ST8SIA6: variants seen among roughly 807,000 people sequenced by gnomAD.
ST8SIA6 encodes alpha-2,8-sialyltransferase 8F.
In ST8SIA6, 39 loss-of-function variants were observed where a neutral mutation model predicts 33.6. The observed-to-expected ratio is 1.16, with a 90% confidence interval of 0.90 to 1.52. The LOEUF is 1.52. Ranked by LOEUF, ST8SIA6 falls within the 40% of genes most tolerant of loss-of-function variation. The probability of loss-of-function intolerance (pLI) is 0.00; values close to 1 mark genes in which losing one functional copy is unlikely to be tolerated. For missense variants in ST8SIA6, 441 were observed against 443.8 expected (o/e 0.99, Z 0.06); for synonymous variants, 172 against 167.2 (o/e 1.03, Z -0.22).
chr10:17,359,460 A>G (rs1588837043), intron 4 of ST8SIA6, 54 bp downstream of exon 4: 8 of 1,398,072 alleles, frequency 5.7e-6, no homozygotes, highest in Non-Finnish European at 6.0e-6. Context: ...TTTTTCTACA[A>G]AGCAAATGAA....
chr10:17,442,832 G>A (rs1852550581), intron 2 of ST8SIA6, among the ~76,000 whole-genome samples: 1 of 152,078 alleles, frequency 6.6e-6, no homozygotes, highest in African/African-American at 2.4e-5. Context: ...AGGCTATTTT[G>A]TCACGTAAAT....
At chr10:17,357,434 C>A (rs769037065) in intron 4 of ST8SIA6, among the ~76,000 whole-genome samples, 1 of 151,720 alleles carries the variant, frequency 6.6e-6, no homozygotes, top group Non-Finnish European at 1.5e-5. Flanking sequence ...TACGCCCAGC[C>A]CCTTCAGTTC....
intron 4 of ST8SIA6, among the ~76,000 whole-genome samples, chr10:17,354,178 G>A (rs1849120925): frequency 6.6e-6 from 1 of 152,152 alleles, no homozygotes; most frequent in East Asian, 1.9e-4. Flanking sequence ...GCCTTCATGG[G>A]TGAAGCAGAA....
At chr10:17,387,114 G>C (rs1313870070) in intron 3 of ST8SIA6, 3 of 152,350 alleles carry the variant, frequency 2.0e-5, no homozygotes, top group Non-Finnish European at 2.9e-5. Flanking sequence ...GGAAAAGTCA[G>C]GCAGAGATGA....
intron 2 of ST8SIA6, among the ~76,000 whole-genome samples, chr10:17,432,051 T>TG (rs140816925): frequency 0.093 from 14,185 of 152,152 alleles, 812 homozygotes; most frequent in South Asian, 0.19. Context: ...GGTGGGTATC[T>TG]GGGGGATGCT....
chr10:17,335,842 A>G (rs774565783), intron 4 of ST8SIA6, among the ~76,000 whole-genome samples: 2 of 152,196 alleles, frequency 1.3e-5, no homozygotes, highest in South Asian at 4.1e-4. Flanking sequence ...ATTCTCATTT[A>G]CCTTTGGCAA....
At chr10:17,438,317 C>T (rs558849165) in intron 2 of ST8SIA6, among the ~76,000 whole-genome samples, 21 of 152,082 alleles carry the variant, frequency 1.4e-4, no homozygotes, top group African/African-American at 1.9e-4. Context: ...TTTGTGTATT[C>T]GGCATTAAAC....
chr10:17,330,038 C>G (rs943845577), intron 5 of ST8SIA6, among the ~76,000 whole-genome samples: 1 of 151,984 alleles, frequency 6.6e-6, no homozygotes, highest in Non-Finnish European at 1.5e-5. Context: ...ACATTTCCAC[C>G]ACGAGCCCCG....
At chr10:17,362,530 G>C (rs946132943) in intron 3 of ST8SIA6, among the ~76,000 whole-genome samples, 1 of 152,062 alleles carries the variant, frequency 6.6e-6, no homozygotes, top group Admixed American at 6.6e-5. Context: ...TACTTCCTAT[G>C]AGCGCTCAGA....
chr10:17,410,648 G>C (rs1477189336), intron 2 of ST8SIA6: 1 of 152,100 alleles, frequency 6.6e-6, no homozygotes, highest in Non-Finnish European at 1.5e-5. Flanking sequence ...AGACAACTAA[G>C]CATGAGGTAT....
chr10:17,333,805 T>A (rs1301556328), intron 4 of ST8SIA6, among the ~76,000 whole-genome samples: 2 of 139,112 alleles, frequency 1.4e-5, no homozygotes, highest in Non-Finnish European at 3.0e-5. Flanking sequence ...CACTGCAAAT[T>A]CCACTTCCCG....
chr10:17,380,993 GT>G (rs767228705), intron 3 of ST8SIA6, among the ~76,000 whole-genome samples: 1 of 149,208 alleles, frequency 6.7e-6, no homozygotes, highest in African/African-American at 2.5e-5. Context: ...GGTTTTTTTT[GT>G]TTTTCTCTCC....
At chr10:17,407,882 G>T (rs1178170105) in intron 2 of ST8SIA6, 4 of 152,440 alleles carry the variant, frequency 2.6e-5, no homozygotes, top group Non-Finnish European at 5.9e-5. Context: ...GGGTTTGTGG[G>T]AAAAGCAGTG....
At chr10:17,361,276 G>GA (rs2131619855) in intron 3 of ST8SIA6, among the ~76,000 whole-genome samples, 2 of 151,996 alleles carry the variant, frequency 1.3e-5, no homozygotes, top group Admixed American at 1.3e-4. Flanking sequence ...ACACTGATTA[G>GA]AAAAAAGTCA....
At chr10:17,408,940 CTTT>C (rs112533742) in intron 2 of ST8SIA6, among the ~76,000 whole-genome samples, 1 of 138,362 alleles carries the variant, frequency 7.2e-6, no homozygotes, top group Non-Finnish European at 1.6e-5. Flanking sequence ...TTCTTTCTTT[CTTT>C]TTTTTTTTTT....
Position 17,435,064 on chromosome 10 carries a change from G to GGT in ST8SIA6, c.200+18494_200+18495insAC, listed in dbSNP as rs1420788685. 1.1e-4 allele frequency among the ~76,000 whole-genome samples: 17 copies of GGT among 152,286 alleles called. No homozygotes were observed. The South Asian group carries it at 2.7e-3, about 24-fold the overall frequency. ...ACACTCAGGGGGATGCCAGCCCCCT[G>GGT]GAAAGCCCCCTGAAGCTGACCATGC... is the stretch of plus-strand genomic sequence containing the variant. On this transcript the variant is annotated intron_variant, in intron 2 of 7. Transcript: ENST00000377602.
At chr10:17,347,240 G>A (rs17140625) in intron 4 of ST8SIA6, among the ~76,000 whole-genome samples, 7,469 of 152,232 alleles carry the variant, frequency 0.049, 219 homozygotes, top group South Asian at 0.097. Context: ...CAGTAACCCA[G>A]ACCAGAGATG....
rs548358500 is a variant in ST8SIA6, at chr10:17,422,618, G to C, written c.200+30941C>G. Among the ~76,000 whole-genome samples the C allele has an allele frequency of 3.9e-5, 6 of 152,282 alleles. No homozygotes were observed. The South Asian group carries it at 1.2e-3, about 32-fold the overall frequency. Reference sequence around the variant, plus strand: ...ACATTGTCAAGGTTCAAGACACATTGATTAATCAGGTAATACACATTCTAA... The same window carrying C: ...ACATTGTCAAGGTTCAAGACACATTCATTAATCAGGTAATACACATTCTAA... On this transcript the variant is annotated intron_variant, in intron 2 of 7. Coordinates refer to ENST00000377602, the MANE Select transcript of ST8SIA6 (RefSeq NM_001004470.3).
chr10:17,408,383 G>A (rs1851341606), intron 2 of ST8SIA6: 5 of 152,100 alleles, frequency 3.3e-5, no homozygotes, highest in Admixed American at 3.3e-4. Flanking sequence ...TATTTCCTCA[G>A]GCCAGGCACG....
Sources: gnomAD v4.1 joint callset for allele counts (sites outside exome capture counted in the v4.1 genomes callset) on GRCh38, gnomAD v4.1.1 for gene constraint, MANE v1.5 for transcripts, NCBI Gene and HGNC (gene_info 2026-07-23, HGNC 2026-07-21) for gene names.